RUNX2: variants seen among roughly 807,000 people sequenced by gnomAD.
The protein encoded by RUNX2 is runt-related transcription factor 2.
RUNX2 carries 10 observed loss-of-function variants against 51.7 expected under a neutral mutation model. That is an observed-to-expected ratio of 0.19 (90% CI 0.12 to 0.33). RUNX2 has a LOEUF of 0.33. RUNX2 is among the 10% of genes least tolerant of loss of function. The pLI, the probability that RUNX2 is intolerant of heterozygous loss-of-function variation, is 1.00. For synonymous variants in RUNX2, 276 were observed against 273.6 expected, an observed-to-expected ratio of 1.01 and a Z score of -0.09; for missense variants, 562 against 691.3, an observed-to-expected ratio of 0.81 and a Z score of 2.10.
intron 2 of RUNX2, among the ~76,000 whole-genome samples, chr6:45,353,147 T>C (rs1792421413): frequency 6.6e-6 from 1 of 152,124 alleles, no homozygotes; most frequent in South Asian, 2.1e-4. Context: ...TGTAAAATGA[T>C]TTCATTAATC....
At chr6:45,461,926 A>G (rs1799489098) in intron 5 of RUNX2, among the ~76,000 whole-genome samples, 1 of 152,154 alleles carries the variant, frequency 6.6e-6, no homozygotes, top group Non-Finnish European at 1.5e-5. Context: ...ACTAGCTTTA[A>G]AAATGTTCCC....
intron 2 of RUNX2, among the ~76,000 whole-genome samples, chr6:45,366,971 G>T (rs1795240738): frequency 6.6e-6 from 1 of 152,092 alleles, no homozygotes; most frequent in Admixed American, 6.6e-5. Flanking sequence ...ACTCCTGTGG[G>T]TAATGATAAA....
In RUNX2 at chr6:45,429,816, G is replaced by A. The variant is rs185871164; in HGVS notation, c.424-2047G>A. 1.9e-3 allele frequency among the ~76,000 whole-genome samples: 283 copies of A among 152,282 alleles called. 1 individual carries two copies. Among genetic ancestry groups the A allele is most frequent in the African/African-American group, 6.5e-3 (271 of 41,564 alleles). ...TTATTTCAAAAATGTTTACCTGGCT[G>A]GGCTCGGTGGCTCACGCCTGTAATC... is the stretch of plus-strand genomic sequence containing the variant. On this transcript the variant is annotated intron_variant, in intron 3 of 8. Coordinates refer to ENST00000647337, the MANE Select transcript of RUNX2 (RefSeq NM_001024630.4).
intron 2 of RUNX2, among the ~76,000 whole-genome samples, chr6:45,401,142 A>G (rs1261428660): frequency 1.3e-5 from 2 of 152,088 alleles, no homozygotes; most frequent in African/African-American, 4.8e-5. Flanking sequence ...CATCCATCCT[A>G]CCCTCTCTCT....
chr6:45,491,360 A>G (rs771937319), intron 5 of RUNX2, among the ~76,000 whole-genome samples: 8 of 152,094 alleles, frequency 5.3e-5, no homozygotes, highest in Admixed American at 2.0e-4. Flanking sequence ...CCCTGCTTAC[A>G]TTTCTGTTTT....
intron 5 of RUNX2, among the ~76,000 whole-genome samples, chr6:45,468,213 A>G (rs1799693713): frequency 6.6e-6 from 1 of 152,164 alleles, no homozygotes. Context: ...ATACTCAATA[A>G]TCTCTCTTTA....
intron 5 of RUNX2, among the ~76,000 whole-genome samples, chr6:45,442,942 C>A (rs1007052643): frequency 6.6e-6 from 1 of 151,540 alleles, no homozygotes; most frequent in African/African-American, 2.4e-5. Flanking sequence ...CTCCACGTGG[C>A]CTCTCCATGT....
intron 2 of RUNX2, among the ~76,000 whole-genome samples, chr6:45,375,961 A>C (rs1337251023): frequency 2.0e-5 from 3 of 152,246 alleles, no homozygotes; most frequent in Non-Finnish European, 1.5e-5. Context: ...CTCAAGAGTT[A>C]CAATTTTTCA....
At chr6:45,340,684 ATAAT>A (rs1789599812) in intron 2 of RUNX2, among the ~76,000 whole-genome samples, 1 of 152,162 alleles carries the variant, frequency 6.6e-6, no homozygotes. Context: ...CTTAATCATT[ATAAT>A]TAATAGTCTT....
chr6:45,373,548 T>C (rs553863894), intron 2 of RUNX2, among the ~76,000 whole-genome samples: 50 of 151,162 alleles, frequency 3.3e-4, no homozygotes, highest in Non-Finnish European at 6.8e-4. Flanking sequence ...ATATTATTTG[T>C]GTGTGTGTGT....
intron 2 of RUNX2, chr6:45,378,038 C>G (rs992692552): frequency 1.3e-5 from 2 of 152,136 alleles, no homozygotes; most frequent in South Asian, 2.1e-4. Flanking sequence ...CCCGCACTGG[C>G]AGTGCGGGCG....
intron 6 of RUNX2, among the ~76,000 whole-genome samples, chr6:45,506,574 A>G (rs1800974461): frequency 6.6e-6 from 1 of 152,242 alleles, no homozygotes; most frequent in Admixed American, 6.5e-5. Flanking sequence ...TAATATTGAT[A>G]CTGTTTCTGA....
intron 3 of RUNX2, among the ~76,000 whole-genome samples, chr6:45,429,154 G>A (rs1798467775): frequency 6.6e-6 from 1 of 152,200 alleles, no homozygotes; most frequent in South Asian, 2.1e-4. Context: ...TGGAGATGAA[G>A]TTATTTTGTG....
intron 2 of RUNX2, among the ~76,000 whole-genome samples, chr6:45,329,456 G>T (rs1409872532): frequency 1.3e-5 from 2 of 151,802 alleles, no homozygotes; most frequent in Admixed American, 1.3e-4. Context: ...ATATTAAAAA[G>T]TTCATGGAAG....
At chr6:45,512,498 G>A in intron 7 of RUNX2, 91 bp downstream of exon 7, 1 of 1,393,900 alleles carries the variant, frequency 7.2e-7, no homozygotes, top group Non-Finnish European at 1.0e-6. Context: ...TGCTCACAGT[G>A]ACTCTCTATT....
chr6:45,337,796 A>C (rs967103666), intron 2 of RUNX2, among the ~76,000 whole-genome samples: 1 of 152,002 alleles, frequency 6.6e-6, no homozygotes, highest in Non-Finnish European at 1.5e-5. Flanking sequence ...TATTTGAAAC[A>C]AATATTAAAT....
At chr6:45,484,484 A>T (rs778689186) in intron 5 of RUNX2, among the ~76,000 whole-genome samples, 7 of 152,202 alleles carry the variant, frequency 4.6e-5, no homozygotes, top group Non-Finnish European at 1.0e-4. Context: ...TAAACAGAGG[A>T]GCAGACTTTC....
chr6:45,342,748 T>C (rs1226160368), intron 2 of RUNX2, among the ~76,000 whole-genome samples: 4 of 152,062 alleles, frequency 2.6e-5, no homozygotes, highest in Non-Finnish European at 5.9e-5. Context: ...CGTTAATGTT[T>C]TAAAAGCTTA....
At chr6:45,484,450 C>A (rs143079439) in intron 5 of RUNX2, among the ~76,000 whole-genome samples, 44 of 152,244 alleles carry the variant, frequency 2.9e-4, no homozygotes, top group African/African-American at 8.4e-4. Flanking sequence ...CACAAACCAC[C>A]AGTGAAATGT....
Sources: gnomAD v4.1 joint callset for allele counts (sites outside exome capture counted in the v4.1 genomes callset) on GRCh38, gnomAD v4.1.1 for gene constraint, MANE v1.5 for transcripts, NCBI Gene and HGNC (gene_info 2026-07-23, HGNC 2026-07-21) for gene names.